The following IMMP2L variants were observed in gnomAD, a reference collection of about 807,000 sequenced individuals.
IMMP2L encodes the protein inner mitochondrial membrane peptidase subunit 2, also known as mitochondrial inner membrane protease subunit 2.
IMMP2L carries 18 observed loss-of-function variants against 19.3 expected under a neutral mutation model. The observed-to-expected ratio is 0.93, with a 90% CI of 0.64 to 1.38. The LOEUF (loss-of-function observed/expected upper bound fraction) is 1.38. Ranked by LOEUF, IMMP2L falls within the 40% of genes most tolerant of loss-of-function variation. The pLI, the probability that IMMP2L is intolerant of heterozygous loss-of-function variation, is 0.00. For missense variants in IMMP2L, 233 were observed against 218.2 expected, an observed-to-expected ratio of 1.07 and a Z score of -0.43; for synonymous variants, 76 against 73.0, an observed-to-expected ratio of 1.04 and a Z score of -0.21.
intron 5 of IMMP2L, among the ~76,000 whole-genome samples, chr7:110,713,247 T>C (rs1795014916): frequency 6.6e-6 from 1 of 152,214 alleles, no homozygotes; most frequent in South Asian, 2.1e-4. Flanking sequence ...CTGGGTTCTC[T>C]ATTCTGTTCC....
intron 1 of IMMP2L, among the ~76,000 whole-genome samples, chr7:111,558,025 G>A (rs1001270189): frequency 4.6e-5 from 7 of 151,870 alleles, no homozygotes; most frequent in African/African-American, 1.5e-4. Flanking sequence ...AGAAAAATAT[G>A]GTTATTCAGG....
chr7:111,177,030 G>A (rs1001756182), intron 3 of IMMP2L, among the ~76,000 whole-genome samples: 8 of 151,568 alleles, frequency 5.3e-5, no homozygotes, highest in Non-Finnish European at 8.8e-5. Context: ...AGTAAATGTT[G>A]ATGAAAAAAA....
At chr7:111,104,901 G>C (rs1338670758) in intron 3 of IMMP2L, among the ~76,000 whole-genome samples, 1 of 151,694 alleles carries the variant, frequency 6.6e-6, no homozygotes, top group African/African-American at 2.4e-5. Flanking sequence ...GAGAGAAGGG[G>C]ACAGTCTCTC....
At chr7:110,756,132 G>A (rs964969698) in intron 5 of IMMP2L, among the ~76,000 whole-genome samples, 34 of 152,154 alleles carry the variant, frequency 2.2e-4, no homozygotes, top group African/African-American at 6.5e-4. Flanking sequence ...TGATGAACGC[G>A]TGAATTAGGA....
intron 5 of IMMP2L, among the ~76,000 whole-genome samples, chr7:110,706,317 TG>T (rs1794676939): frequency 6.6e-6 from 1 of 152,136 alleles, no homozygotes; most frequent in Admixed American, 6.5e-5. Flanking sequence ...TTGCCAAGGC[TG>T]GTCTTGAACT....
chr7:111,263,148 A>C (rs944879095), intron 3 of IMMP2L, among the ~76,000 whole-genome samples: 1 of 152,114 alleles, frequency 6.6e-6, no homozygotes, highest in African/African-American at 2.4e-5. Flanking sequence ...TTTGGAGTAG[A>C]TAAGTGACAT....
intron 3 of IMMP2L, among the ~76,000 whole-genome samples, chr7:111,438,362 CTCT>C (rs1020024662): frequency 6.6e-6 from 1 of 151,658 alleles, no homozygotes; most frequent in African/African-American, 2.4e-5. Flanking sequence ...AAACTGTCAT[CTCT>C]TTTTTATTAA....
intron 5 of IMMP2L, among the ~76,000 whole-genome samples, chr7:110,665,687 C>G (rs1310529901): frequency 2.0e-5 from 3 of 152,090 alleles, no homozygotes; most frequent in Admixed American, 2.0e-4. Flanking sequence ...GAGTCAAGTT[C>G]CATCAAATCA....
chr7:111,422,407 G>A (rs1835654579), intron 3 of IMMP2L, among the ~76,000 whole-genome samples: 1 of 151,502 alleles, frequency 6.6e-6, no homozygotes, highest in Non-Finnish European at 1.5e-5. Flanking sequence ...TTGAGCAGTG[G>A]TTTGTAGTTC....
At chr7:110,815,949 T>G (rs918968560) in intron 5 of IMMP2L, among the ~76,000 whole-genome samples, 1 of 152,162 alleles carries the variant, frequency 6.6e-6, no homozygotes, top group Non-Finnish European at 1.5e-5. Context: ...GAAGGGTTTT[T>G]TGTGTCTCTA....
At chr7:110,687,605 T>C (rs1359098326) in intron 5 of IMMP2L, among the ~76,000 whole-genome samples, 2 of 152,150 alleles carry the variant, frequency 1.3e-5, no homozygotes, top group African/African-American at 4.8e-5. Context: ...ATATATTTTA[T>C]AACAAATTAG....
intron 4 of IMMP2L, among the ~76,000 whole-genome samples, chr7:110,887,426 C>T (rs1207614557): frequency 6.6e-6 from 1 of 151,920 alleles, no homozygotes; most frequent in Non-Finnish European, 1.5e-5. Context: ...ATGTTTTTCC[C>T]TATACTTCCA....
At chr7:110,886,755 A>C (rs921731258) in intron 4 of IMMP2L, 60 bp from the exon 5 acceptor site, 25 of 782,306 alleles carry the variant, frequency 3.2e-5, no homozygotes, top group Non-Finnish European at 5.4e-5. Flanking sequence ...ACTGCTGGGC[A>C]TACAAACTTA....
At chr7:110,902,199 G>A (rs370985383) in intron 4 of IMMP2L, among the ~76,000 whole-genome samples, 18 of 151,870 alleles carry the variant, frequency 1.2e-4, no homozygotes, top group East Asian at 7.7e-4. Context: ...ATGTTTAAGA[G>A]ATAAGTATAG....
At chr7:111,530,182 T>C (rs1039200380) in intron 1 of IMMP2L, among the ~76,000 whole-genome samples, 1 of 152,176 alleles carries the variant, frequency 6.6e-6, no homozygotes, top group African/African-American at 2.4e-5. Flanking sequence ...CTGTGAAACC[T>C]TGCAGGGTTT....
chr7:111,239,978 A>C (rs1814808982), intron 3 of IMMP2L, among the ~76,000 whole-genome samples: 1 of 152,082 alleles, frequency 6.6e-6, no homozygotes, highest in Non-Finnish European at 1.5e-5. Context: ...CTAAGGAATA[A>C]GGTAGAAATA....
At chr7:111,073,414 A>C (rs1795128779) in intron 3 of IMMP2L, among the ~76,000 whole-genome samples, 1 of 152,120 alleles carries the variant, frequency 6.6e-6, no homozygotes, top group Non-Finnish European at 1.5e-5. Flanking sequence ...TACAAGTTTA[A>C]ATTTTTTCCA....
chr7:111,101,871 C>T (rs993410094), intron 3 of IMMP2L, among the ~76,000 whole-genome samples: 8 of 151,566 alleles, frequency 5.3e-5, no homozygotes, highest in African/African-American at 1.9e-4. Context: ...ACAGTCATTT[C>T]TTGGCAGTCA....
At chr7:110,894,349 G>A (rs1279296944) in intron 4 of IMMP2L, among the ~76,000 whole-genome samples, 2 of 152,114 alleles carry the variant, frequency 1.3e-5, no homozygotes, top group African/African-American at 2.4e-5. Context: ...CAAAGCAGTG[G>A]GACTACCAAT....
Sources: gnomAD v4.1 joint callset for allele counts (sites outside exome capture counted in the v4.1 genomes callset) on GRCh38, gnomAD v4.1.1 for gene constraint, MANE v1.5 for transcripts, NCBI Gene and HGNC (gene_info 2026-07-23, HGNC 2026-07-21) for gene names.